Variants in ZBTB7C observed in about 807,000 individuals in gnomAD.
ZBTB7C encodes the protein zinc finger and BTB domain containing 7C.
A neutral mutation model predicts 25.7 loss-of-function variants in ZBTB7C; 8 were observed. The ratio of observed to expected loss-of-function variants is 0.31; its 90% CI spans 0.18 to 0.56. ZBTB7C has a LOEUF of 0.56. Ranked by LOEUF, ZBTB7C falls within the 20% of genes least tolerant of loss-of-function variation. The probability of loss-of-function intolerance (pLI) is 0.91; values close to 1 mark genes in which losing one functional copy is unlikely to be tolerated. For missense variants in ZBTB7C, 824 were observed against 855.2 expected (o/e 0.96, Z 0.46); for synonymous variants, 394 against 369.0 (o/e 1.07, Z -0.78).
chr18:48,133,248 T>C (rs1598940736), intron 3 of ZBTB7C, among the ~76,000 whole-genome samples: 1 of 152,164 alleles, frequency 6.6e-6, no homozygotes, highest in East Asian at 1.9e-4. Context: ...GCCTCTGGCA[T>C]GGAGGAGGGA....
intron 3 of ZBTB7C, among the ~76,000 whole-genome samples, chr18:48,164,793 T>C (rs2041185414): frequency 6.6e-6 from 1 of 152,156 alleles, no homozygotes; most frequent in Admixed American, 6.5e-5. Flanking sequence ...GCTCCAGACA[T>C]TAAGCACCTA....
chr18:48,093,313 G>A (rs1188578187), intron 3 of ZBTB7C, among the ~76,000 whole-genome samples: 1 of 152,186 alleles, frequency 6.6e-6, no homozygotes, highest in Non-Finnish European at 1.5e-5. Context: ...CCCTGGCCAA[G>A]CCTAGCCAGA....
At chr18:48,116,651 G>T (rs1342978048) in intron 3 of ZBTB7C, among the ~76,000 whole-genome samples, 1 of 152,054 alleles carries the variant, frequency 6.6e-6, no homozygotes, top group African/African-American at 2.4e-5. Flanking sequence ...CCTGCCAACT[G>T]CTTGGGGGGC....
chr18:48,289,350 T>G (rs546027143), intron 2 of ZBTB7C, among the ~76,000 whole-genome samples: 1 of 152,118 alleles, frequency 6.6e-6, no homozygotes, highest in African/African-American at 2.4e-5. Context: ...TCAGACACAA[T>G]CTAAATGCCC....
intron 3 of ZBTB7C, among the ~76,000 whole-genome samples, chr18:48,177,100 C>A (rs1055054040): frequency 2.6e-5 from 4 of 152,256 alleles, no homozygotes; most frequent in African/African-American, 9.6e-5. Context: ...TCAGCATAAA[C>A]CCCTTTAGGG....
intron 3 of ZBTB7C, among the ~76,000 whole-genome samples, chr18:48,121,819 G>A (rs2039639465): frequency 2.0e-5 from 3 of 152,208 alleles, no homozygotes; most frequent in Non-Finnish European, 4.4e-5. Context: ...GACAATGTGG[G>A]TACAGGGAGA....
At chr18:48,356,191 G>C (rs2046973847) in intron 1 of ZBTB7C, among the ~76,000 whole-genome samples, 1 of 152,148 alleles carries the variant, frequency 6.6e-6, no homozygotes, top group Admixed American at 6.5e-5. Flanking sequence ...GAAGGGGCAG[G>C]CATCATCTTG....
intron 1 of ZBTB7C, among the ~76,000 whole-genome samples, chr18:48,395,864 T>C (rs1599036031): frequency 6.6e-6 from 1 of 152,150 alleles, no homozygotes; most frequent in East Asian, 1.9e-4. Context: ...TCTATACAGA[T>C]GCAGGGTCTT....
rs374117459 is a variant in ZBTB7C, at chr18:48,062,410, C to T, written c.-16-21287G>A. ...CGCACTCTATCACTTCTGTGCTCAA[C>T]ACAAGATCCTGTCACAGTCAGAACC... On this transcript the variant is annotated intron_variant, in intron 3 of 4. Transcript: ENST00000590800. 1.2e-4 allele frequency among the ~76,000 whole-genome samples: 19 copies of T among 152,188 alleles called. No individual in the cohort carries two copies. In the East Asian group the frequency reaches 1.7e-3, roughly 14 times the overall value.
intron 2 of ZBTB7C, among the ~76,000 whole-genome samples, chr18:48,241,718 A>T (rs905809476): frequency 2.0e-5 from 3 of 152,226 alleles, no homozygotes; most frequent in African/African-American, 7.2e-5. Context: ...TGCTAAGAGG[A>T]AAGTTCATTG....
At chr18:48,176,074 G>GA (rs903737780) in intron 3 of ZBTB7C, among the ~76,000 whole-genome samples, 8 of 151,406 alleles carry the variant, frequency 5.3e-5, no homozygotes, top group South Asian at 2.1e-4. Flanking sequence ...TTCCAAGGGA[G>GA]AAAAAAAAAT....
intron 3 of ZBTB7C, among the ~76,000 whole-genome samples, chr18:48,161,794 C>G (rs2041055894): frequency 6.9e-6 from 1 of 144,940 alleles, no homozygotes; most frequent in African/African-American, 2.9e-5. Context: ...TCTCCCTCCA[C>G]TCTGCGCCCC....
intron 3 of ZBTB7C, among the ~76,000 whole-genome samples, chr18:48,135,978 A>G (rs2040141736): frequency 1.3e-5 from 2 of 152,206 alleles, no homozygotes; most frequent in African/African-American, 4.8e-5. Context: ...GCACAGACAC[A>G]GCCAGGACAA....
intron 2 of ZBTB7C, among the ~76,000 whole-genome samples, chr18:48,194,690 C>T (rs547945903): frequency 3.9e-5 from 6 of 152,142 alleles, no homozygotes; most frequent in South Asian, 2.1e-4. Flanking sequence ...GTTACCAGGT[C>T]TGGCTGGAGC....
intron 3 of ZBTB7C, among the ~76,000 whole-genome samples, chr18:48,141,407 C>T (rs2040345147): frequency 6.6e-6 from 1 of 152,090 alleles, no homozygotes; most frequent in Non-Finnish European, 1.5e-5. Context: ...AGGACCCATG[C>T]ATCTTTTCTT....
intron 3 of ZBTB7C, among the ~76,000 whole-genome samples, chr18:48,064,777 GAGA>G (rs2037260277): frequency 2.0e-5 from 3 of 152,106 alleles, no homozygotes; most frequent in Admixed American, 6.5e-5. Context: ...TAGGAACAGG[GAGA>G]AGAAGGTGGT....
rs552975793 is a variant in ZBTB7C, at chr18:48,083,665, G to A, written c.-16-42542C>T. Among the ~76,000 whole-genome samples the A allele has an allele frequency of 6.6e-5, 10 of 152,206 alleles. No individual in the cohort carries two copies. The East Asian group carries it at 1.7e-3, about 26-fold the overall frequency. On this transcript the variant is annotated intron_variant, in intron 3 of 4. Transcript: ENST00000590800. ...TAATCACTGAATGCTTCTCTGTAACGGAATTTGTCATAATGGGGCTTTACT... is the reference window on the plus strand; with the variant it reads ...TAATCACTGAATGCTTCTCTGTAACAGAATTTGTCATAATGGGGCTTTACT...
intron 1 of ZBTB7C, among the ~76,000 whole-genome samples, chr18:48,389,368 CAAAA>C (rs36028137): frequency 9.2e-6 from 1 of 109,220 alleles, no homozygotes; most frequent in Non-Finnish European, 1.8e-5. Flanking sequence ...AAAGATAGAC[CAAAA>C]AAAAAAAAAA....
intron 1 of ZBTB7C, among the ~76,000 whole-genome samples, chr18:48,403,835 TAAAATA>T (rs1385339978): frequency 6.6e-6 from 1 of 150,970 alleles, no homozygotes; most frequent in Admixed American, 6.6e-5. Context: ...ATAAAAAAAT[TAAAATA>T]AAAAGGGCCC....
Sources: gnomAD v4.1 joint callset for allele counts (sites outside exome capture counted in the v4.1 genomes callset) on GRCh38, gnomAD v4.1.1 for gene constraint, MANE v1.5 for transcripts, NCBI Gene and HGNC (gene_info 2026-07-23, HGNC 2026-07-21) for gene names.